Variants in CPD observed in about 807,000 individuals in gnomAD.
CPD encodes the protein carboxypeptidase D.
A neutral mutation model predicts 138.3 loss-of-function variants in CPD; 69 were observed. The observed-to-expected ratio is 0.50, with a 90% confidence interval of 0.41 to 0.61. The LOEUF (loss-of-function observed/expected upper bound fraction) is 0.61, where lower values mean the gene tolerates loss of function less well. CPD is among the 20% of genes least tolerant of loss of function. The probability of loss-of-function intolerance (pLI) is 0.00; values close to 1 mark genes in which losing one functional copy is unlikely to be tolerated. For synonymous variants in CPD, 651 were observed against 642.1 expected (o/e 1.01, Z -0.21); for missense variants, 1,432 against 1,733.3 (o/e 0.83, Z 3.09).
At chr17:30,421,494 T>C (rs1912264707) in intron 3 of CPD, among the ~76,000 whole-genome samples, 170 bp from the exon 4 acceptor site, 1 of 152,228 alleles carries the variant, frequency 6.6e-6, no homozygotes, top group African/African-American at 2.4e-5. Context: ...AGTTTAAGGA[T>C]TTAATACTTC....
At chr17:30,438,270 G>T (rs1443388512) in intron 8 of CPD, among the ~76,000 whole-genome samples, 3 of 151,796 alleles carry the variant, frequency 2.0e-5, no homozygotes, top group Non-Finnish European at 4.4e-5. Flanking sequence ...ATCTTTCAAA[G>T]CTCAATTTCT....
chr17:30,427,479 T>C lies in CPD; in HGVS notation c.1938T>C (p.Asp646=). 6.2e-7 allele frequency: 1 copy of C among 1,614,170 alleles called. No individual in the cohort carries two copies. Among genetic ancestry groups the C allele is most frequent in the East Asian group, 2.2e-5 (1 of 44,870 alleles). The change falls in exon 7 of 21, where the codon GAT becomes GAC. Residue 646 remains aspartate, a synonymous_variant. Transcript: ENST00000225719. ...CAGACCAGTTTGTTCAGATCACAGA[T>C]CCTACGCAACCAGAAACTATTGCTG... ...NFPDQFVQIT[D]PTQPETIAVM... is the part of the protein sequence containing the mutation.
In CPD at chr17:30,451,834, AC is replaced by A; in HGVS notation, c.3194del (p.Thr1065LysfsTer19). On this transcript the variant is annotated frameshift_variant, in exon 14 of 21. Transcript: ENST00000225719. LOFTEE classifies it high-confidence loss of function. The stretch of plus-strand genomic sequence containing the variant: ...AAATGCTCGTGGCAAAGATTTGGAT[AC>A]AGACTTCACAAGTAAGACTAATTTT... ...QTNARGKDLD[T>X]DFTNNASQPE... is the part of the protein sequence containing the mutation. The A allele has an allele frequency of 6.2e-7, 1 of 1,614,062 alleles. No homozygotes were observed. The highest frequency in any genetic ancestry group is 2.2e-5 in the East Asian group (1 of 44,862).
At chr17:30,392,544 AT>A (rs1332372290) in intron 2 of CPD, among the ~76,000 whole-genome samples, 3 of 152,164 alleles carry the variant, frequency 2.0e-5, no homozygotes, top group Non-Finnish European at 4.4e-5. Flanking sequence ...TTTACTATAC[AT>A]TCTGGTATTA....
chr17:30,425,388 C>T (rs1022295991), intron 6 of CPD, among the ~76,000 whole-genome samples: 1 of 152,122 alleles, frequency 6.6e-6, no homozygotes, highest in Non-Finnish European at 1.5e-5. Flanking sequence ...GGCGTGGTGG[C>T]TCATGCTTAT....
At chr17:30,461,640 A>G (rs1347049873) in intron 18 of CPD, among the ~76,000 whole-genome samples, 1 of 152,236 alleles carries the variant, frequency 6.6e-6, no homozygotes, top group Non-Finnish European at 1.5e-5. Context: ...CTATGACAAT[A>G]TCAGAGTTCT....
Position 30,442,286 on chromosome 17 carries a change from A to G in CPD, c.2231-22A>G, listed in dbSNP as rs765532498. ...TGTTTAGAACTTCTTCAGAGTGACT[A>G]ATTTTAATTTTTATCTTTTAGGAGG... On this transcript the variant is annotated intron_variant, in intron 9 of 20. Transcript: ENST00000225719. 3.1e-6 allele frequency: 5 copies of G among 1,607,646 alleles called. No homozygotes were observed. In the South Asian group the frequency reaches 3.3e-5, roughly 11 times the overall value.
In CPD at chr17:30,445,897, G is replaced by A. The variant is rs1340114136; in HGVS notation, c.2750G>A (p.Ser917Asn). Residue 917 changes from serine to asparagine, a missense_variant, in exon 12 of 21, where the codon AGC becomes AAC. Physicochemically the swap from Ser to Asn is conservative, Grantham distance 46 (BLOSUM62 1). This residue lies in a region of CPD where 124 missense variants were observed against 117.0 expected (regional missense o/e 1.06). Coordinates refer to ENST00000225719, the MANE Select transcript of CPD (RefSeq NM_001304.5). The stretch of plus-strand genomic sequence containing the variant: ...CTTTCAGCGGAGAATGGTTTGGAAA[G>A]CCTCATGTTACGCTCCTCCTCAAAT... ...KDLSAENGLE[S>N]LMLRSSSNLA... 1 of 1,614,120 alleles carries A rather than the reference G, an allele frequency of 6.2e-7. No homozygotes were observed. The highest frequency in any genetic ancestry group is 2.2e-5 in the East Asian group (1 of 44,892).
chr17:30,386,617 T>C (rs1911195483), intron 2 of CPD, among the ~76,000 whole-genome samples: 1 of 152,198 alleles, frequency 6.6e-6, no homozygotes, highest in Non-Finnish European at 1.5e-5. Flanking sequence ...TCTCTATCCC[T>C]TACCCCCAGC....
intron 2 of CPD, among the ~76,000 whole-genome samples, chr17:30,397,472 C>T (rs1597709460): frequency 6.6e-6 from 1 of 151,974 alleles, no homozygotes; most frequent in Admixed American, 6.6e-5. Flanking sequence ...GTGGCTCAGG[C>T]CTATGATCCT....
intron 7 of CPD, 48 bp from the exon 8 acceptor site, chr17:30,431,724 C>A: frequency 1.6e-6 from 2 of 1,217,048 alleles, no homozygotes; most frequent in South Asian, 1.3e-5. Context: ...TGTTAATAAT[C>A]CATCTTGAAA....
At chr17:30,452,229 G>A (rs1913184111) in intron 14 of CPD, among the ~76,000 whole-genome samples, 1 of 150,938 alleles carries the variant, frequency 6.6e-6, no homozygotes, top group Admixed American at 6.6e-5. Flanking sequence ...CATTGAATAT[G>A]TATCATTGAC....
chr17:30,381,669 CAATTT>C (rs1911051407), intron 1 of CPD, among the ~76,000 whole-genome samples: 2 of 152,138 alleles, frequency 1.3e-5, no homozygotes, highest in Non-Finnish European at 2.9e-5. Context: ...AGCACACACA[CAATTT>C]GATATTGATG....
At chr17:30,456,214 A>T (rs2143499567) in intron 15 of CPD, 42 bp from the exon 16 acceptor site, 2 of 1,509,102 alleles carry the variant, frequency 1.3e-6, no homozygotes, top group East Asian at 4.5e-5. Context: ...GAAAAAAATC[A>T]TTTGGATTTC....
Position 30,464,863 on chromosome 17 carries a change from G to A in CPD, c.*49G>A, listed in dbSNP as rs759332177. The stretch of plus-strand genomic sequence containing the variant: ...AGCATAAGTACCAAGCAAAATTACA[G>A]TTCCTCTTGGGAGAACACTGCATTA... On this transcript the variant is annotated 3_prime_UTR_variant, in exon 21 of 21. Transcript: ENST00000225719. 13 of 1,443,020 alleles carry A rather than the reference G, an allele frequency of 9.0e-6. No homozygotes were observed. The South Asian group carries it at 1.5e-4, about 17-fold the overall frequency. The allele number at this position is 1,443,020 out of a possible 1,614,324, so 89.4% of individuals were successfully genotyped here. A position where few individuals can be genotyped will look rare whatever the true frequency, so the allele number is the denominator to read the frequency against.
At chr17:30,405,800 CT>C (rs1334361901) in intron 2 of CPD, among the ~76,000 whole-genome samples, 1 of 151,992 alleles carries the variant, frequency 6.6e-6, no homozygotes, top group East Asian at 1.9e-4. Flanking sequence ...CACAAAGTTA[CT>C]GGTACAGTTT....
In CPD at chr17:30,451,777, G is replaced by A. The variant is rs1203187942; in HGVS notation, c.3136G>A (p.Glu1046Lys). 1.9e-6 allele frequency: 3 copies of A among 1,613,942 alleles called. No homozygotes were observed. The highest frequency in any genetic ancestry group is 1.7e-5 in the Admixed American group (1 of 59,994). Residue 1046 changes from glutamate to lysine, a missense_variant, in exon 14 of 21, where the codon GAG (glutamate) becomes AAG (lysine). Physicochemically the swap from Glu to Lys is moderately conservative, Grantham distance 56. Around this residue, in one of 6 missense-constraint regions of CPD, gnomAD observed 366 missense variants for 518.8 expected, o/e 0.71. Transcript: ENST00000225719. ...TCCAGATGGGCGAGAGAGAGCTCAAGAGAAAGACTGTACTTCAAAAATAGG... is the reference window on the plus strand; with the variant it reads ...TCCAGATGGGCGAGAGAGAGCTCAAAAGAAAGACTGTACTTCAAAAATAGG... ...LNPDGRERAQ[E>K]KDCTSKIGQT...
At position 30,466,035 on chromosome 17, in the gene CPD, A is replaced by G. The variant is rs1299906013; in HGVS notation, c.*1221A>G. The G allele has an allele frequency of 6.6e-6, 1 of 152,562 alleles. No homozygotes were observed. Among genetic ancestry groups the G allele is most frequent in the Middle Eastern group, 3.2e-3 (1 of 316 alleles). 9.5% of individuals were successfully genotyped at this position (152,562 alleles called of 1,614,324 possible). Reference sequence around the variant, plus strand: ...CCTCCCTTGAAAAAAAATGTAAACTATGACTGCTGAGTGATAAAACACTGT... The same window carrying G: ...CCTCCCTTGAAAAAAAATGTAAACTGTGACTGCTGAGTGATAAAACACTGT... On this transcript the variant is annotated 3_prime_UTR_variant, in exon 21 of 21. Transcript: ENST00000225719.
At chr17:30,463,107 T>G (rs566134819) in intron 20 of CPD, among the ~76,000 whole-genome samples, 265 of 152,360 alleles carry the variant, frequency 1.7e-3, no homozygotes, top group Non-Finnish European at 2.7e-3. Context: ...AGATTTTGTT[T>G]ATGGCCAGTT....
Sources: gnomAD v4.1 joint callset for allele counts (sites outside exome capture counted in the v4.1 genomes callset) on GRCh38, gnomAD v4.1.1 for gene constraint, gnomAD v4.1.1 regional missense constraint, MANE v1.5 for transcripts, NCBI Gene and HGNC (gene_info 2026-07-23, HGNC 2026-07-21) for gene names.